GTF2H1: variants seen among roughly 807,000 people sequenced by gnomAD.
The protein encoded by GTF2H1 is BTF2 p62.
GTF2H1 carries 16 observed loss-of-function variants against 71.2 expected under a neutral mutation model. The observed-to-expected ratio is 0.22, with a 90% CI of 0.15 to 0.34. The LOEUF (loss-of-function observed/expected upper bound fraction) is 0.34, where lower values mean the gene tolerates loss of function less well. GTF2H1 is among the 10% of genes least tolerant of loss of function. The pLI is 1.00. For missense variants in GTF2H1, 498 were observed against 648.2 expected (o/e 0.77, Z 2.52); for synonymous variants, 215 against 219.0 (o/e 0.98, Z 0.16).
chr11:18,338,553 C>T (rs946616790), intron 4 of GTF2H1, among the ~76,000 whole-genome samples: 2 of 152,182 alleles, frequency 1.3e-5, no homozygotes, highest in African/African-American at 4.8e-5. Flanking sequence ...AAGCGATCCT[C>T]CTGCTTCAGC....
At chr11:18,331,147 A>G (rs1011796500) in intron 1 of GTF2H1, among the ~76,000 whole-genome samples, 9 of 152,148 alleles carry the variant, frequency 5.9e-5, no homozygotes, top group African/African-American at 2.2e-4. Flanking sequence ...TCCTGGGCTC[A>G]AGCGATTCTC....
Position 18,366,116 on chromosome 11 carries a change from T to C in GTF2H1, c.*247T>C, listed in dbSNP as rs555251201. 239 of 493,752 alleles carry C rather than the reference T, an allele frequency of 4.8e-4. No homozygotes were observed. The highest frequency in any genetic ancestry group is 3.6e-3 in the African/African-American group (186 of 51,932). The allele number at this position is 493,752 out of a possible 1,614,324, so 30.6% of individuals were successfully genotyped here. Reference sequence around the variant, plus strand: ...GAGCTAAGTTGCAAATATATATATATACACACACACACATATATGTACATG... The same window carrying C: ...GAGCTAAGTTGCAAATATATATATACACACACACACACATATATGTACATG... On this transcript the variant is annotated 3_prime_UTR_variant, in exon 15 of 15. Coordinates refer to ENST00000265963, the MANE Select transcript of GTF2H1 (RefSeq NM_005316.4).
At chr11:18,349,483 G>T (rs1196767833) in intron 9 of GTF2H1, among the ~76,000 whole-genome samples, 2 of 152,094 alleles carry the variant, frequency 1.3e-5, no homozygotes, top group African/African-American at 4.8e-5. Flanking sequence ...AGAATTTCTA[G>T]ATCAGCCTGG....
rs1865810935 is a variant in GTF2H1 at position 18,365,815 on chromosome 11, A to G, written c.1593A>G (p.Thr531=). 3 of 1,613,758 alleles carry G rather than the reference A, an allele frequency of 1.9e-6. No homozygotes were observed. Among genetic ancestry groups the G allele is most frequent in the East Asian group, 2.2e-5 (1 of 44,904 alleles). Reference sequence around the variant, plus strand: ...GTCACATAGAAGAGATGCTCCAGACAGCCTACAACAAGCTCCACACATGGC... The same window carrying G: ...GTCACATAGAAGAGATGCTCCAGACGGCCTACAACAAGCTCCACACATGGC... ...LVSHIEEMLQ[T]AYNKLHTWQS... is the part of the protein sequence containing the mutation. Residue 531 remains threonine (T), a synonymous_variant, in exon 15 of 15, where the codon ACA becomes ACG. Coordinates refer to ENST00000265963, the MANE Select transcript of GTF2H1 (RefSeq NM_005316.4).
Position 18,358,567 on chromosome 11 carries a change from A to G in GTF2H1, c.1394A>G (p.Tyr465Cys). The G allele has an allele frequency of 6.2e-7, 1 of 1,612,388 alleles. No individual in the cohort carries two copies. Among genetic ancestry groups the G allele is most frequent in the Non-Finnish European group, 8.5e-7 (1 of 1,178,444 alleles). Residue 465 changes from tyrosine (Y) to cysteine (C), a missense_variant, in exon 13 of 15, where the codon TAT becomes TGT. Physicochemically the swap from Tyr to Cys is radical, Grantham distance 194 (BLOSUM62 -2). Around this residue, in one of 3 missense-constraint regions of GTF2H1, gnomAD observed 266 missense variants for 301.6 expected, o/e 0.88. Coordinates refer to ENST00000265963, the MANE Select transcript of GTF2H1 (RefSeq NM_005316.4). ...NDIQSELKHL[Y>C]VAVGELLRHF... Reference sequence around the variant, plus strand: ...ATTCAATCTGAATTGAAACACTTATATGTAGCTGTTGGAGAACTTCTACGA... The same window carrying G: ...ATTCAATCTGAATTGAAACACTTATGTGTAGCTGTTGGAGAACTTCTACGA...
intron 3 of GTF2H1, among the ~76,000 whole-genome samples, chr11:18,336,942 G>T (rs947620853): frequency 6.6e-6 from 1 of 151,742 alleles, no homozygotes; most frequent in Non-Finnish European, 1.5e-5. Context: ...TTTAATACAG[G>T]GTTTCACCAC....
At chr11:18,357,382 C>T (rs1455384961) in intron 11 of GTF2H1, among the ~76,000 whole-genome samples, 2 of 152,022 alleles carry the variant, frequency 1.3e-5, no homozygotes, top group Non-Finnish European at 2.9e-5. Flanking sequence ...TAAATTTCTG[C>T]TCTTTATTTT....
chr11:18,327,071 A>G (rs1170648622), intron 1 of GTF2H1, among the ~76,000 whole-genome samples: 1 of 152,186 alleles, frequency 6.6e-6, no homozygotes, highest in African/African-American at 2.4e-5. Flanking sequence ...TTCTGGCAGA[A>G]GAATTGCATA....
At chr11:18,337,780 C>G (rs529689283) in intron 3 of GTF2H1, among the ~76,000 whole-genome samples, 3 of 152,102 alleles carry the variant, frequency 2.0e-5, no homozygotes, top group Non-Finnish European at 2.9e-5. Context: ...TGAGCATTTT[C>G]AGATACCAAC....
rs755416297 is a variant in GTF2H1 at position 18,333,201 on chromosome 11, A to C, written c.127A>C (p.Ile43Leu). 1 of 1,613,368 alleles carries C rather than the reference A, an allele frequency of 6.2e-7. No individual in the cohort carries two copies. Among genetic ancestry groups the C allele is most frequent in the African/African-American group, 1.3e-5 (1 of 74,936 alleles). Reference protein sequence around the residue: ...WAPEGKDRFTISHMYADIKCQ... With the variant: ...WAPEGKDRFTLSHMYADIKCQ... ...ACCTGAAGGCAAAGATAGATTTACA[A>C]TCAGCCATATGTATGCAGATATTAA... Residue 43 changes from isoleucine to leucine, a missense_variant, in exon 2 of 15, where the codon ATC (isoleucine) becomes CTC (leucine). Ile to Leu is a conservative substitution (Grantham distance 5, BLOSUM62 2). Coordinates refer to ENST00000265963, the MANE Select transcript of GTF2H1 (RefSeq NM_005316.4).
Position 18,358,543 on chromosome 11 carries a change from T to C in GTF2H1, c.1370T>C (p.Ile457Thr), listed in dbSNP as rs200195818. ...QAINQMVPND[I>T]QSELKHLYVA... ...TTTGCAGAGATGGTGCCAAATGATA[T>C]TCAATCTGAATTGAAACACTTATAT... Residue 457 changes from isoleucine (I) to threonine (T), a missense_variant, in exon 13 of 15, where the codon ATT (isoleucine) becomes ACT (threonine). By Grantham distance (89) the Ile-to-Thr change is moderately conservative. This residue lies in a region of GTF2H1 where 266 missense variants were observed against 301.6 expected (regional missense o/e 0.88). Transcript: ENST00000265963. The C allele has an allele frequency of 2.6e-5, 41 of 1,605,630 alleles. No individual in the cohort carries two copies. The highest frequency in any genetic ancestry group is 5.0e-5 in the Admixed American group (3 of 59,982).
chr11:18,358,651 G>C lies in GTF2H1; in HGVS notation c.1467+11G>C, dbSNP rs762191328. The C allele has an allele frequency of 2.0e-6, 3 of 1,480,650 alleles. No individual in the cohort carries two copies. Among genetic ancestry groups the C allele is most frequent in the Middle Eastern group, 1.7e-4 (1 of 5,774 alleles). 91.7% of individuals were successfully genotyped at this position (1,480,650 alleles called of 1,614,324 possible). On this transcript the variant is annotated intron_variant, in intron 13 of 14. Coordinates refer to ENST00000265963, the MANE Select transcript of GTF2H1 (RefSeq NM_005316.4). ...TTCCTAGAAGAAAAGGTTAGAACCA[G>C]TTCTGAAGACAGCCAGATAATTGTG...
At chr11:18,324,724 A>G (rs898452898) in intron 1 of GTF2H1, among the ~76,000 whole-genome samples, 1 of 142,574 alleles carries the variant, frequency 7.0e-6, no homozygotes, top group African/African-American at 3.1e-5. Context: ...CCATTGACCT[A>G]GTAGTTCCTC....
At chr11:18,360,748 T>A in intron 14 of GTF2H1, 41 bp downstream of exon 14, 1 of 1,014,478 alleles carries the variant, frequency 9.9e-7, no homozygotes, top group Non-Finnish European at 1.5e-6. Context: ...TTCTTTCTCT[T>A]TGTAGTAAAA....
chr11:18,339,331 T>C (rs541419808), intron 4 of GTF2H1, among the ~76,000 whole-genome samples: 2 of 152,346 alleles, frequency 1.3e-5, no homozygotes, highest in African/African-American at 4.8e-5. Context: ...ACATGCCTAT[T>C]TGACCATATT....
At chr11:18,356,104 C>G (rs955048862) in intron 11 of GTF2H1, among the ~76,000 whole-genome samples, 2 of 152,226 alleles carry the variant, frequency 1.3e-5, no homozygotes, top group African/African-American at 4.8e-5. Flanking sequence ...AGATCTGGGA[C>G]CGGGCACAGT....
In GTF2H1 at chr11:18,345,796, G is replaced by GT. The variant is rs1554955087; in HGVS notation, c.838-1779dup. 1.0e-3 allele frequency among the ~76,000 whole-genome samples: 129 copies of GT among 125,188 alleles called. 1 individual carries two copies. The highest frequency in any genetic ancestry group is 2.6e-3 in the South Asian group (10 of 3,894). The allele number at this position is 125,188 out of a possible 152,430, so 82.1% of individuals were successfully genotyped here. On this transcript the variant is annotated intron_variant, in intron 7 of 14. Transcript: ENST00000265963. Reference sequence around the variant, plus strand: ...GAGCCACCACACCCAGCACATATGAGTTTTTTTTTTTTTGAGACGGAGTCT... The same window carrying GT: ...GAGCCACCACACCCAGCACATATGAGTTTTTTTTTTTTTTGAGACGGAGTCT...
chr11:18,331,623 A>G (rs1343279780), intron 1 of GTF2H1, among the ~76,000 whole-genome samples: 1 of 151,960 alleles, frequency 6.6e-6, no homozygotes, highest in African/African-American at 2.4e-5. Context: ...CTGAGATCAC[A>G]CCATTGCATT....
At chr11:18,363,856 T>C (rs1279987343) in intron 14 of GTF2H1, among the ~76,000 whole-genome samples, 1 of 152,008 alleles carries the variant, frequency 6.6e-6, no homozygotes, top group East Asian at 1.9e-4. Context: ...GTGGATCACC[T>C]GAGGTCAAGA....
Sources: allele counts gnomAD v4.1 joint callset (sites outside exome capture counted in the v4.1 genomes callset), GRCh38; gene constraint gnomAD v4.1.1; regional missense constraint gnomAD v4.1.1; transcripts MANE v1.5; gene names NCBI Gene and HGNC (gene_info 2026-07-23, HGNC 2026-07-21).